TRPV5: variants seen among roughly 807,000 people sequenced by gnomAD.
The protein encoded by TRPV5 is transient receptor potential cation channel subfamily V member 5.
A neutral mutation model predicts 74.1 loss-of-function variants in TRPV5; 66 were observed. The ratio of observed to expected loss-of-function variants is 0.89; its 90% CI spans 0.73 to 1.09. The LOEUF (loss-of-function observed/expected upper bound fraction) is 1.09, where lower values mean the gene tolerates loss of function less well. Among genes scored for constraint, TRPV5 ranks in the 50% least tolerant of loss-of-function variants. TRPV5 has a pLI of 0.00. For synonymous variants in TRPV5, 399 were observed against 360.7 expected (o/e 1.11, Z -1.20); for missense variants, 936 against 930.4 (o/e 1.01, Z -0.08).
chr7:142,908,817 G>A lies in TRPV5; in HGVS notation c.1896-9C>T, dbSNP rs1390778378. ...CATTGTGGTTCTCAACCCTGATAAG[G>A]GGAAAGGGGAAAGGACTCAATCCAG... On this transcript the variant is annotated splice_polypyrimidine_tract_variant and intron_variant, in intron 14 of 14. Transcript: ENST00000265310. 1 of 1,603,364 alleles carries A rather than the reference G, an allele frequency of 6.2e-7. No individual in the cohort carries two copies. Among genetic ancestry groups the A allele is most frequent in the Non-Finnish European group, 8.5e-7 (1 of 1,174,402 alleles).
At chr7:142,920,851 C>T (rs1390682590) in intron 8 of TRPV5, among the ~76,000 whole-genome samples, 1 of 152,216 alleles carries the variant, frequency 6.6e-6, no homozygotes. Context: ...TGCCAAGTCT[C>T]AGGTCCCACC....
intron 13 of TRPV5, among the ~76,000 whole-genome samples, chr7:142,911,008 T>C (rs1795693879): frequency 6.6e-6 from 1 of 152,134 alleles, no homozygotes; most frequent in Non-Finnish European, 1.5e-5. Flanking sequence ...TGTGTTCCCA[T>C]GAGATGGAAC....
At position 142,929,535 on chromosome 7, in the gene TRPV5, T is replaced by C; in HGVS notation, c.380A>G (p.Asn127Ser). ...GQTALHIAVVNQNVNLVRALL... is the reference protein window; with the variant it reads ...GQTALHIAVVSQNVNLVRALL... ...GGCACGCACCAGGTTCACATTCTGG[T>C]TCACAACAGCGATGTGCAGTGCAGT... The change falls in exon 4 of 15, where the codon AAC (asparagine) becomes AGC (serine). Residue 127 changes from asparagine to serine, a missense_variant. By Grantham distance (46) the Asn-to-Ser change is conservative. Coordinates refer to ENST00000265310, the MANE Select transcript of TRPV5 (RefSeq NM_019841.7). 1 of 1,614,100 alleles carries C rather than the reference T, an allele frequency of 6.2e-7. No homozygotes were observed. The highest frequency in any genetic ancestry group is 8.5e-7 in the Non-Finnish European group (1 of 1,179,992).
intron 3 of TRPV5, 59 bp from the exon 4 acceptor site, chr7:142,929,624 C>G (rs1796050432): frequency 3.8e-6 from 6 of 1,590,020 alleles, no homozygotes; most frequent in Non-Finnish European, 5.2e-6. Context: ...CTCAGGGACA[C>G]AGCATCCCCC....
At position 142,908,721 on chromosome 7, in the gene TRPV5, C is replaced by T. The variant is rs750982456; in HGVS notation, c.1983G>A (p.Glu661=). The change falls in exon 15 of 15, where the codon GAG becomes GAA. Residue 661 remains glutamate (E), a synonymous_variant. Transcript: ENST00000265310. ...CAGAGGGCTGTTTCTCAGATGGATG[C>T]TCCTGGTCATCCTCCTTGTCTGAGT... ...FKNSDKEDDQ[E]HPSEKQPSGA... The T allele has an allele frequency of 2.0e-5, 33 of 1,614,068 alleles. No individual in the cohort carries two copies. The highest frequency in any genetic ancestry group is 2.5e-5 in the Non-Finnish European group (30 of 1,180,020).
At chr7:142,917,767 TA>T (rs1298840044) in intron 8 of TRPV5, among the ~76,000 whole-genome samples, 2 of 152,210 alleles carry the variant, frequency 1.3e-5, no homozygotes, top group African/African-American at 4.8e-5. Flanking sequence ...TCCTTACCCT[TA>T]AACCAGGCTG....
chr7:142,921,130 G>T (rs1248172857), intron 8 of TRPV5, among the ~76,000 whole-genome samples: 1 of 152,206 alleles, frequency 6.6e-6, no homozygotes, highest in African/African-American at 2.4e-5. Flanking sequence ...ATGATGATGT[G>T]TGGACAAATA....
rs1795651831 is a variant in TRPV5 at position 142,908,654 on chromosome 7, G to C, written c.2050C>G (p.Pro684Ala). ...GCGGTCCGGGACAGGGAGGAAGTTG[G>C]AAGAGCCAAAGAGGCTCTGGCTAGA... Reference protein sequence around the residue: ...GTLARASLALPTSSLSRTASQ... With the variant: ...GTLARASLALATSSLSRTASQ... Residue 684 changes from proline to alanine, a missense_variant, in exon 15 of 15, where the codon CCA (proline) becomes GCA (alanine). Pro to Ala is a conservative substitution (Grantham distance 27). Coordinates refer to ENST00000265310, the MANE Select transcript of TRPV5 (RefSeq NM_019841.7). 1 of 1,614,248 alleles carries C rather than the reference G, an allele frequency of 6.2e-7. No individual in the cohort carries two copies. The highest frequency in any genetic ancestry group is 8.5e-7 in the Non-Finnish European group (1 of 1,180,046).
At chr7:142,914,829 G>C in intron 11 of TRPV5, 52 bp downstream of exon 11, 1 of 1,611,034 alleles carries the variant, frequency 6.2e-7, no homozygotes, top group South Asian at 1.1e-5. Flanking sequence ...CCATCCCTCT[G>C]TCTGTGAAGG....
At position 142,924,301 on chromosome 7, in the gene TRPV5, C is replaced by CATAT. The variant is rs1481130391; in HGVS notation, c.1122+1224_1122+1227dup. Among the ~76,000 whole-genome samples, 7 of 93,914 alleles carry CATAT rather than the reference C, an allele frequency of 7.5e-5. 1 individual carries two copies. Among genetic ancestry groups the CATAT allele is most frequent in the African/African-American group, 3.0e-4 (6 of 20,156 alleles). 61.6% of individuals were successfully genotyped at this position (93,914 alleles called of 152,430 possible). A position where few individuals can be genotyped will look rare whatever the true frequency, so the allele number is the denominator to read the frequency against. On this transcript the variant is annotated intron_variant, in intron 8 of 14. Coordinates refer to ENST00000265310, the MANE Select transcript of TRPV5 (RefSeq NM_019841.7). ...ATATACATATACATGTATATATATACATATATATATACACACATATACATG... is the reference window on the plus strand; with the variant it reads ...ATATACATATACATGTATATATATACATATATATATATATACACACATATACATG...
rs532062133 is a variant in TRPV5 at position 142,912,742 on chromosome 7, T to C, written c.1528A>G (p.Ile510Val). 2 of 1,613,540 alleles carry C rather than the reference T, an allele frequency of 1.2e-6. No homozygotes were observed. Among genetic ancestry groups the C allele is most frequent in the South Asian group, 1.1e-5 (1 of 91,068 alleles). The stretch of plus-strand genomic sequence containing the variant: ...GTTGGGTCCTCTGTCTGGAAAATGA[T>C]ATAGAACGCTGCTCCGCCCAGGAAG... ...VILGFASAFYIIFQTEDPTSL... is the reference protein window; with the variant it reads ...VILGFASAFYVIFQTEDPTSL... The change falls in exon 13 of 15, where the codon ATC becomes GTC. Residue 510 changes from isoleucine (I) to valine (V), a missense_variant. Transcript: ENST00000265310.
At chr7:142,920,798 C>T (rs757081267) in intron 8 of TRPV5, among the ~76,000 whole-genome samples, 1 of 152,186 alleles carries the variant, frequency 6.6e-6, no homozygotes, top group Non-Finnish European at 1.5e-5. Context: ...AAACGCGGTG[C>T]ACAGAATCAC....
chr7:142,912,329 C>T (rs954075515), intron 13 of TRPV5, among the ~76,000 whole-genome samples, 153 bp downstream of exon 13: 1 of 152,252 alleles, frequency 6.6e-6, no homozygotes, highest in African/African-American at 2.4e-5. Flanking sequence ...CATTTATCCA[C>T]ATGTACCTCA....
chr7:142,914,927 G>T lies in TRPV5; in HGVS notation c.1406C>A (p.Thr469Asn). Residue 469 changes from threonine to asparagine, a missense_variant, in exon 11 of 15, where the codon ACT (threonine) becomes AAT (asparagine). Thr to Asn is a moderately conservative substitution (Grantham distance 65). Coordinates refer to ENST00000265310, the MANE Select transcript of TRPV5 (RefSeq NM_019841.7). ...VLGWCSVMYF[T>N]RGFQMLGPFT... Reference sequence around the variant, plus strand: ...GGGACCCAGCATCTGGAATCCTCGAGTGAAATACATGACACTGCACCAGCC... The same window carrying T: ...GGGACCCAGCATCTGGAATCCTCGATTGAAATACATGACACTGCACCAGCC... 2 of 1,614,178 alleles carry T rather than the reference G, an allele frequency of 1.2e-6. No individual in the cohort carries two copies. Among genetic ancestry groups the T allele is most frequent in the Non-Finnish European group, 1.7e-6 (2 of 1,180,028 alleles).
rs563416031 is a variant in TRPV5 at position 142,926,272 on chromosome 7, G to T, written c.910-531C>A. Among the ~76,000 whole-genome samples, 8 of 152,298 alleles carry T rather than the reference G, an allele frequency of 5.3e-5. No homozygotes were observed. In the South Asian group the frequency reaches 1.4e-3, roughly 28 times the overall value. ...CAGGGAAGTGGTCAGATTTGCTCTA[G>T]AAGTATTATTGGGCTGGAAAGAAGC... On this transcript the variant is annotated intron_variant, in intron 7 of 14. Transcript: ENST00000265310.
intron 13 of TRPV5, 79 bp downstream of exon 13, chr7:142,912,403 T>G: frequency 6.5e-7 from 1 of 1,538,214 alleles, no homozygotes; most frequent in Non-Finnish European, 8.8e-7. Context: ...CTTTTAAGAA[T>G]GATCCACCAT....
At position 142,915,356 on chromosome 7, in the gene TRPV5, A is replaced by G. The variant is rs1200592004; in HGVS notation, c.1237T>C (p.Ser413Pro). The stretch of plus-strand genomic sequence containing the variant: ...AGAATCGTCTTTCCAAAATAGCGAG[A>G]GGCACCAACCCTGAAGATGTCTGGA... The part of the protein sequence containing the change: ...EIPDIFRVGA[S>P]RYFGKTILGG... The change falls in exon 10 of 15, where the codon TCT (serine) becomes CCT (proline). Residue 413 changes from serine to proline, a missense_variant. Transcript: ENST00000265310. 4.4e-6 allele frequency: 7 copies of G among 1,607,312 alleles called. No homozygotes were observed. Among genetic ancestry groups the G allele is most frequent in the Non-Finnish European group, 5.9e-6 (7 of 1,178,382 alleles).
Position 142,912,695 on chromosome 7 carries a change from G to A in TRPV5, c.1575C>T (p.Asp525=), listed in dbSNP as rs1233789857. The A allele has an allele frequency of 1.9e-6, 3 of 1,614,198 alleles. No homozygotes were observed. Among genetic ancestry groups the A allele is most frequent in the Non-Finnish European group, 2.5e-6 (3 of 1,180,038 alleles). The change falls in exon 13 of 15, where the codon GAC becomes GAT. Residue 525 remains aspartate (D), a synonymous_variant. Transcript: ENST00000265310. The stretch of plus-strand genomic sequence containing the variant: ...AGGTGGTGAACAGTGCCATGGGGTA[G>A]TCATAGAATTGCCCCAGACTGGTTG... ...EDPTSLGQFY[D]YPMALFTTFE...
At chr7:142,922,957 C>G (rs1344297424) in intron 8 of TRPV5, among the ~76,000 whole-genome samples, 1 of 152,132 alleles carries the variant, frequency 6.6e-6, no homozygotes, top group African/African-American at 2.4e-5. Context: ...CAAACATCAG[C>G]TTTTGTGTAG....
Sources: gnomAD v4.1 joint callset for allele counts (sites outside exome capture counted in the v4.1 genomes callset) on GRCh38, gnomAD v4.1.1 for gene constraint, MANE v1.5 for transcripts, NCBI Gene and HGNC (gene_info 2026-07-23, HGNC 2026-07-21) for gene names.